RAB3C: variants seen among roughly 807,000 people sequenced by gnomAD.
RAB3C encodes RAB3C, member RAS oncogene family.
A neutral mutation model predicts 26.4 loss-of-function variants in RAB3C; 17 were observed. The observed-to-expected ratio is 0.64, with a 90% CI of 0.44 to 0.97. The LOEUF is 0.97. RAB3C is among the 50% of genes least tolerant of loss of function. RAB3C has a pLI of 0.00. For missense variants in RAB3C, 242 were observed against 281.9 expected, an observed-to-expected ratio of 0.86 and a Z score of 1.01; for synonymous variants, 91 against 95.9, an observed-to-expected ratio of 0.95 and a Z score of 0.30.
intron 2 of RAB3C, among the ~76,000 whole-genome samples, chr5:58,695,179 C>A (rs158982): frequency 0.96 from 146,605 of 152,300 alleles, 70,634 homozygotes; most frequent in African/African-American, 0.99. Flanking sequence ...ACCATTTATT[C>A]AATAGGGAAT....
chr5:58,813,365 T>C (rs1164684996), intron 3 of RAB3C, among the ~76,000 whole-genome samples: 1 of 151,930 alleles, frequency 6.6e-6, no homozygotes, highest in East Asian at 1.9e-4. Context: ...CAGAAGGTGT[T>C]CCTTGCTAAC....
chr5:58,729,641 T>G (rs187052577), intron 3 of RAB3C, among the ~76,000 whole-genome samples: 1 of 148,754 alleles, frequency 6.7e-6, no homozygotes, highest in Non-Finnish European at 1.5e-5. Context: ...ACTTATATGT[T>G]ACATATAATA....
At chr5:58,583,972 A>G (rs1230928270) in intron 1 of RAB3C, among the ~76,000 whole-genome samples, 1 of 152,230 alleles carries the variant, frequency 6.6e-6, no homozygotes, top group Non-Finnish European at 1.5e-5. Context: ...CATCTTGCTT[A>G]AGTTTTGTTT....
intron 1 of RAB3C, among the ~76,000 whole-genome samples, chr5:58,605,524 T>C (rs886274493): frequency 1.3e-5 from 2 of 152,132 alleles, no homozygotes; most frequent in African/African-American, 4.8e-5. Flanking sequence ...CCCCTTGTAA[T>C]TGGAGTGACA....
intron 1 of RAB3C, among the ~76,000 whole-genome samples, chr5:58,596,298 T>A (rs1260303482): frequency 6.6e-6 from 1 of 151,686 alleles, no homozygotes; most frequent in Non-Finnish European, 1.5e-5. Context: ...GGCTTAGGAT[T>A]CTGCTTTCTC....
rs11750614 is a variant in RAB3C, at chr5:58,857,353, G to C, written c.*6002G>C. On this transcript the variant is annotated 3_prime_UTR_variant, in exon 5 of 5. Transcript: ENST00000282878. ...AAATATGTGTCAATTTTATCTCTTAGAATTGTGGATTTTATTGTCAAGACA... is the reference window on the plus strand; with the variant it reads ...AAATATGTGTCAATTTTATCTCTTACAATTGTGGATTTTATTGTCAAGACA... The C allele has an allele frequency of 6.6e-6, 1 of 152,174 alleles. No homozygotes were observed. Among genetic ancestry groups the C allele is most frequent in the Admixed American group, 6.5e-5 (1 of 15,278 alleles). 9.4% of individuals were successfully genotyped at this position (152,174 alleles called of 1,614,324 possible).
At chr5:58,694,166 T>C (rs1748640885) in intron 2 of RAB3C, among the ~76,000 whole-genome samples, 1 of 152,124 alleles carries the variant, frequency 6.6e-6, no homozygotes, top group Non-Finnish European at 1.5e-5. Context: ...TTCCCACCTA[T>C]GAATGAGAAC....
At chr5:58,652,769 AC>A (rs1404059930) in intron 2 of RAB3C, among the ~76,000 whole-genome samples, 1 of 151,508 alleles carries the variant, frequency 6.6e-6, no homozygotes, top group Admixed American at 6.6e-5. Context: ...CTGTGCCAGT[AC>A]CTTGGCTTTA....
Position 58,583,126 on chromosome 5 carries a change from C to T in RAB3C, c.-83C>T. On this transcript the variant is annotated 5_prime_UTR_variant, in exon 1 of 5. Transcript: ENST00000282878. ...AACCCCAAGAGTGCAGAGTGTGGAGCGTGGAGCGCCGGGACTGTGCACGCT... is the reference window on the plus strand; with the variant it reads ...AACCCCAAGAGTGCAGAGTGTGGAGTGTGGAGCGCCGGGACTGTGCACGCT... 5 of 1,607,180 alleles carry T rather than the reference C, an allele frequency of 3.1e-6. No individual in the cohort carries two copies. Among genetic ancestry groups the T allele is most frequent in the Non-Finnish European group, 4.2e-6 (5 of 1,177,456 alleles).
rs866686645 is a variant in RAB3C at position 58,590,832 on chromosome 5, A to G, written c.24+7600A>G. On this transcript the variant is annotated intron_variant, in intron 1 of 4. Coordinates refer to ENST00000282878, the MANE Select transcript of RAB3C (RefSeq NM_138453.4). ...AGTGCTGGGATTACAGGTGTGAGCC[A>G]CTGTGCCTGTCAGGTCACTGATTTT... 1.2e-4 allele frequency among the ~76,000 whole-genome samples: 18 copies of G among 152,344 alleles called. No homozygotes were observed. The Middle Eastern group carries it at 0.014, about 115-fold the overall frequency.
chr5:58,611,202 T>C (rs1746692774), intron 1 of RAB3C, among the ~76,000 whole-genome samples: 1 of 152,142 alleles, frequency 6.6e-6, no homozygotes, highest in Admixed American at 6.6e-5. Context: ...TATGTGCATG[T>C]CTCTTTATAA....
At position 58,699,826 on chromosome 5, in the gene RAB3C, G is replaced by A. The variant is rs112070903; in HGVS notation, c.253-26176G>A. On this transcript the variant is annotated intron_variant, in intron 2 of 4. Transcript: ENST00000282878. Reference sequence around the variant, plus strand: ...CGGTTTCTAAGATCTTGGGAAAAGCGCAGTATTTAGGCAGGAGTGTCCCAT... The same window carrying A: ...CGGTTTCTAAGATCTTGGGAAAAGCACAGTATTTAGGCAGGAGTGTCCCAT... Among the ~76,000 whole-genome samples, 1,117 of 152,320 alleles carry A rather than the reference G, an allele frequency of 7.3e-3. 3 individuals are homozygous for A. The highest frequency in any genetic ancestry group is 0.019 in the African/African-American group (774 of 41,572).
chr5:58,633,516 A>G (rs1747229147), intron 2 of RAB3C, among the ~76,000 whole-genome samples: 1 of 152,244 alleles, frequency 6.6e-6, no homozygotes, highest in Non-Finnish European at 1.5e-5. Flanking sequence ...TTTAATATGG[A>G]CATTCTCTCC....
chr5:58,788,602 T>C (rs1184965418), intron 3 of RAB3C, among the ~76,000 whole-genome samples: 2 of 152,200 alleles, frequency 1.3e-5, no homozygotes, highest in Non-Finnish European at 2.9e-5. Context: ...GTGAAAGCTT[T>C]AGGCACACTT....
At chr5:58,739,985 T>C (rs149968237) in intron 3 of RAB3C, among the ~76,000 whole-genome samples, 218 of 152,344 alleles carry the variant, frequency 1.4e-3, no homozygotes, top group African/African-American at 5.0e-3. Context: ...GTTTCCAAAC[T>C]TTGTTTTAAG....
intron 3 of RAB3C, among the ~76,000 whole-genome samples, chr5:58,767,911 A>G (rs1373294327): frequency 1.3e-5 from 2 of 152,204 alleles, no homozygotes; most frequent in Non-Finnish European, 2.9e-5. Context: ...ATGATGTGAT[A>G]GAGTGTCCAA....
At chr5:58,719,673 A>G (rs539638090) in intron 2 of RAB3C, among the ~76,000 whole-genome samples, 2 of 152,084 alleles carry the variant, frequency 1.3e-5, no homozygotes, top group South Asian at 2.1e-4. Context: ...GGAGAATCCA[A>G]TTCTTGGCAG....
chr5:58,824,914 T>G (rs1471453823), intron 3 of RAB3C, 124 bp from the exon 4 acceptor site: 6 of 642,778 alleles, frequency 9.3e-6, no homozygotes, highest in Non-Finnish European at 1.6e-5. Flanking sequence ...ATGTCAGGCA[T>G]TTGGACATCG....
intron 2 of RAB3C, among the ~76,000 whole-genome samples, chr5:58,718,519 G>A (rs1749221325): frequency 6.6e-6 from 1 of 151,988 alleles, no homozygotes; most frequent in South Asian, 2.1e-4. Context: ...AATAGGTCAG[G>A]TTTTATCCTT....
Sources: gnomAD v4.1 joint callset for allele counts (sites outside exome capture counted in the v4.1 genomes callset) on GRCh38, gnomAD v4.1.1 for gene constraint, MANE v1.5 for transcripts, NCBI Gene and HGNC (gene_info 2026-07-23, HGNC 2026-07-21) for gene names.